Variants in BTAF1 observed in about 807,000 individuals in gnomAD.
BTAF1 encodes the protein B-TFIID TATA-box binding protein associated factor 1.
In BTAF1, 38 loss-of-function variants were observed where a neutral mutation model predicts 227.1. That is an observed-to-expected ratio of 0.17 (90% CI 0.13 to 0.22). BTAF1 has a LOEUF of 0.22. Among genes scored for constraint, BTAF1 ranks in the 10% least tolerant of loss-of-function variants. The probability of loss-of-function intolerance (pLI) is 1.00; values close to 1 mark genes in which losing one functional copy is unlikely to be tolerated. For synonymous variants in BTAF1, 742 were observed against 751.9 expected (o/e 0.99, Z 0.21); for missense variants, 1,598 against 2,204.0 (o/e 0.73, Z 5.51).
intron 4 of BTAF1, 34 bp downstream of exon 4, chr10:91,942,602 T>C: frequency 6.8e-6 from 11 of 1,608,806 alleles, no homozygotes; most frequent in Non-Finnish European, 9.3e-6. Flanking sequence ...AGTCTAAAAT[T>C]TGTTTTTTCA....
chr10:91,993,859 T>C lies in BTAF1; in HGVS notation c.3199+12T>C. ...CATAAATAATTTTGGTATACACATA[T>C]TTTTATGAGTCCAGTTTTTAACAAA... On this transcript the variant is annotated intron_variant, in intron 22 of 37. Transcript: ENST00000265990. 2 of 1,553,288 alleles carry C rather than the reference T, an allele frequency of 1.3e-6. No individual in the cohort carries two copies. The highest frequency in any genetic ancestry group is 1.7e-6 in the Non-Finnish European group (2 of 1,144,272).
chr10:91,956,625 A>G lies in BTAF1; in HGVS notation c.799A>G (p.Asn267Asp). The change falls in exon 7 of 38, where the codon AAT (asparagine) becomes GAT (aspartate). Residue 267 changes from asparagine (N) to aspartate (D), a missense_variant. Physicochemically the swap from Asn to Asp is conservative, Grantham distance 23. Transcript: ENST00000265990. ...SANDSKVLID[N>D]IPDSSSLIEE... ...AAATGATTCCAAAGTCTTGATTGAT[A>G]ATATTCCAGACAGCTCTTCCTTAAT... The G allele has an allele frequency of 6.2e-7, 1 of 1,609,938 alleles. No homozygotes were observed. Among genetic ancestry groups the G allele is most frequent in the Non-Finnish European group, 8.5e-7 (1 of 1,178,778 alleles).
chr10:91,966,562 T>A (rs1023589137), intron 13 of BTAF1, 75 bp from the exon 14 acceptor site: 2 of 1,495,976 alleles, frequency 1.3e-6, no homozygotes, highest in African/African-American at 2.8e-5. Flanking sequence ...CTAGATCCCA[T>A]GAGAATATTT....
intron 32 of BTAF1, among the ~76,000 whole-genome samples, chr10:92,015,185 G>C (rs1266529793): frequency 6.6e-6 from 1 of 152,158 alleles, no homozygotes; most frequent in African/African-American, 2.4e-5. Context: ...ATTATTAAAG[G>C]AATTTATTGT....
chr10:92,002,328 T>G (rs1849603827), intron 25 of BTAF1, among the ~76,000 whole-genome samples: 1 of 152,232 alleles, frequency 6.6e-6, no homozygotes, highest in African/African-American at 2.4e-5. Context: ...AATCTTGGAA[T>G]GTCAACCAGT....
chr10:91,940,209 G>A, intron 3 of BTAF1, 143 bp downstream of exon 3: 1 of 345,954 alleles, frequency 2.9e-6, no homozygotes, highest in Non-Finnish European at 5.3e-6. Flanking sequence ...AAATGATACT[G>A]AATAAGGTGA....
chr10:91,954,369 T>A (rs1845952961), intron 6 of BTAF1, among the ~76,000 whole-genome samples: 1 of 152,116 alleles, frequency 6.6e-6, no homozygotes, highest in Non-Finnish European at 1.5e-5. Context: ...CCAATGATAA[T>A]CTAGGCTAGT....
At chr10:91,943,145 C>T (rs1845127740) in intron 4 of BTAF1, among the ~76,000 whole-genome samples, 2 of 152,068 alleles carry the variant, frequency 1.3e-5, no homozygotes, top group Admixed American at 1.3e-4. Context: ...GAAACCCTGT[C>T]TCTACTAAAA....
intron 4 of BTAF1, 94 bp downstream of exon 4, chr10:91,942,662 C>A: frequency 1.5e-6 from 2 of 1,358,886 alleles, no homozygotes; most frequent in South Asian, 1.4e-5. Flanking sequence ...CGTAAACTAA[C>A]ATGTCATGAA....
At chr10:91,983,729 G>C (rs1200630288) in intron 18 of BTAF1, among the ~76,000 whole-genome samples, 1 of 152,214 alleles carries the variant, frequency 6.6e-6, no homozygotes, top group Non-Finnish European at 1.5e-5. Context: ...GCAACAACCA[G>C]AGAGAGTGGG....
chr10:91,999,488 G>A (rs1421790157), intron 25 of BTAF1, among the ~76,000 whole-genome samples: 3 of 152,018 alleles, frequency 2.0e-5, no homozygotes, highest in Admixed American at 6.6e-5. Flanking sequence ...TCTGCCTCCC[G>A]GGTTCAAGCG....
In BTAF1 at chr10:91,977,068, A is replaced by G. The variant is rs1033250115; in HGVS notation, c.1651-3386A>G. ...GGAAAATAAGGGTAAGAGTCAGAGG[A>G]GGGAATAGTATGTGTAACTCTGGAG... On this transcript the variant is annotated intron_variant, in intron 14 of 37. Coordinates refer to ENST00000265990, the MANE Select transcript of BTAF1 (RefSeq NM_003972.3). Among the ~76,000 whole-genome samples, 5 of 152,144 alleles carry G rather than the reference A, an allele frequency of 3.3e-5. No homozygotes were observed. The South Asian group carries it at 8.3e-4, about 25-fold the overall frequency.
chr10:91,982,790 A>T (rs1372816118), intron 18 of BTAF1, 29 bp downstream of exon 18: 1 of 1,560,008 alleles, frequency 6.4e-7, no homozygotes, highest in Admixed American at 1.8e-5. Context: ...AGTAATAAAG[A>T]CAAATTAAGT....
At position 91,959,139 on chromosome 10, in the gene BTAF1, C is replaced by G. The variant is rs1406941268; in HGVS notation, c.975C>G (p.Asp325Glu). 6.2e-7 allele frequency: 1 copy of G among 1,614,066 alleles called. No homozygotes were observed. The highest frequency in any genetic ancestry group is 1.3e-5 in the African/African-American group (1 of 75,046). The change falls in exon 9 of 38, where the codon GAC (aspartate) becomes GAG (glutamate). Residue 325 changes from aspartate (D) to glutamate (E), a missense_variant. Asp to Glu is a conservative substitution (Grantham distance 45). This residue lies in a region of BTAF1 where 298 missense variants were observed against 395.2 expected (regional missense o/e 0.75). Coordinates refer to ENST00000265990, the MANE Select transcript of BTAF1 (RefSeq NM_003972.3). ...GGAAAAGTGGTGGTAAAATGGGTGA[C>G]AGCACTTTAGAAGAGGTAAGTGTAT... ...AHGKSGGKMG[D>E]STLEEMIQQH...
rs775989022 is a variant in BTAF1 at position 92,027,125 on chromosome 10, T to C, written c.5236-5T>C. The C allele has an allele frequency of 2.5e-6, 4 of 1,606,764 alleles. No individual in the cohort carries two copies. Among genetic ancestry groups the C allele is most frequent in the Non-Finnish European group, 3.4e-6 (4 of 1,177,464 alleles). On this transcript the variant is annotated splice_polypyrimidine_tract_variant and splice_region_variant and intron_variant, in intron 36 of 37. Transcript: ENST00000265990. ...TACGGTTGCTTAACTGTTTTTCTTA[T>C]CCAGAAACGTGTGGTTAACGTATAC...
rs369179768 is a variant in BTAF1 at position 92,026,575 on chromosome 10, T to G, written c.5076-17T>G. The G allele has an allele frequency of 8.3e-5, 131 of 1,582,506 alleles. No homozygotes were observed. Among genetic ancestry groups the G allele is most frequent in the Middle Eastern group, 3.6e-4 (2 of 5,496 alleles). Reference sequence around the variant, plus strand: ...ACTTAAGAATGGACTAATTTTATTTTTGTTATCTACTTTTAGGTTTAATAA... The same window carrying G: ...ACTTAAGAATGGACTAATTTTATTTGTGTTATCTACTTTTAGGTTTAATAA... On this transcript the variant is annotated splice_polypyrimidine_tract_variant and intron_variant, in intron 35 of 37. Transcript: ENST00000265990.
chr10:91,964,958 A>G (rs1218862506), intron 13 of BTAF1, among the ~76,000 whole-genome samples: 2 of 152,182 alleles, frequency 1.3e-5, no homozygotes, highest in Non-Finnish European at 2.9e-5. Context: ...CGTTCAGTGA[A>G]TGTTCATATA....
intron 1 of BTAF1, chr10:91,935,085 CT>C (rs35262678): frequency 0.021 from 3,250 of 152,190 alleles, 52 homozygotes; most frequent in Non-Finnish European, 0.035. Flanking sequence ...GCATAGGTCA[CT>C]TTTATTTTTA....
At chr10:91,992,057 C>G in intron 20 of BTAF1, 62 bp from the exon 21 acceptor site, 1 of 1,350,388 alleles carries the variant, frequency 7.4e-7, no homozygotes, top group Non-Finnish European at 1.0e-6. Context: ...TCTTATGGAG[C>G]TGAAAACATT....
Sources: allele counts gnomAD v4.1 joint callset (sites outside exome capture counted in the v4.1 genomes callset), GRCh38; gene constraint gnomAD v4.1.1; regional missense constraint gnomAD v4.1.1; transcripts MANE v1.5; gene names NCBI Gene and HGNC (gene_info 2026-07-23, HGNC 2026-07-21).